Variants in FOXK2 observed in about 807,000 individuals in gnomAD.
FOXK2 encodes the protein forkhead box protein K2.
In FOXK2, 24 loss-of-function variants were observed where a neutral mutation model predicts 53.3. The ratio of observed to expected loss-of-function variants is 0.45; its 90% CI spans 0.33 to 0.63. The LOEUF is 0.63. Ranked by LOEUF, FOXK2 falls within the 30% of genes least tolerant of loss-of-function variation. FOXK2 has a pLI of 0.03. For synonymous variants in FOXK2, 505 were observed against 407.1 expected, an observed-to-expected ratio of 1.24 and a Z score of -2.89; for missense variants, 952 against 910.5, an observed-to-expected ratio of 1.05 and a Z score of -0.59.
chr17:82,528,880 A>T (rs1380601801), intron 1 of FOXK2, among the ~76,000 whole-genome samples: 2 of 152,228 alleles, frequency 1.3e-5, no homozygotes, highest in African/African-American at 2.4e-5. Context: ...TGTGAAGGGC[A>T]TTGGAGTACG....
intron 1 of FOXK2, among the ~76,000 whole-genome samples, chr17:82,533,754 G>A (rs968792500): frequency 2.0e-5 from 3 of 152,026 alleles, no homozygotes; most frequent in Admixed American, 6.6e-5. Context: ...TTGAAACGAC[G>A]TGAATTTTGT....
At chr17:82,529,863 C>G (rs559462932) in intron 1 of FOXK2, among the ~76,000 whole-genome samples, 12 of 151,952 alleles carry the variant, frequency 7.9e-5, no homozygotes, top group Admixed American at 2.0e-4. Context: ...AACATTGTTA[C>G]GTTTGTAATG....
intron 1 of FOXK2, among the ~76,000 whole-genome samples, chr17:82,533,958 C>T (rs570899035): frequency 1.5e-4 from 22 of 151,312 alleles, no homozygotes; most frequent in Non-Finnish European, 2.5e-4. Flanking sequence ...GAGATCACAC[C>T]GGTGCACTCC....
chr17:82,586,755 G>C (rs1380677262), intron 7 of FOXK2, among the ~76,000 whole-genome samples: 1 of 152,072 alleles, frequency 6.6e-6, no homozygotes, highest in Admixed American at 6.5e-5. Flanking sequence ...TACAAAATCA[G>C]CTGGGCATGG....
rs1435150048 is a variant in FOXK2, at chr17:82,604,177, C to G, written c.*2678C>G. ...GTGACCTTTGCCCAACTTCTGAGCT[C>G]CTCAGGGACTAGGAACAATTTCAGT... On this transcript the variant is annotated 3_prime_UTR_variant, in exon 9 of 9. Transcript: ENST00000335255. 6.6e-6 allele frequency: 1 copy of G among 152,254 alleles called. No homozygotes were observed. The highest frequency in any genetic ancestry group is 6.5e-5 in the Admixed American group (1 of 15,284). 9.4% of individuals were successfully genotyped at this position (152,254 alleles called of 1,614,324 possible).
At chr17:82,550,220 A>G (rs2044662858) in intron 1 of FOXK2, among the ~76,000 whole-genome samples, 1 of 152,162 alleles carries the variant, frequency 6.6e-6, no homozygotes, top group East Asian at 1.9e-4. Flanking sequence ...ACACACAAAG[A>G]GCTTCTTTAT....
intron 1 of FOXK2, among the ~76,000 whole-genome samples, chr17:82,544,074 C>G (rs567019553): frequency 5.3e-5 from 8 of 152,188 alleles, no homozygotes; most frequent in African/African-American, 1.9e-4. Context: ...CCGTGCCCAG[C>G]CAAGCTTTTT....
intron 2 of FOXK2, among the ~76,000 whole-genome samples, chr17:82,567,825 A>C (rs1258333453): frequency 6.6e-6 from 1 of 152,140 alleles, no homozygotes; most frequent in Non-Finnish European, 1.5e-5. Flanking sequence ...CGTTTATAGA[A>C]GCAAATACCC....
At position 82,520,068 on chromosome 17, in the gene FOXK2, G is replaced by A. The variant is rs1190897334; in HGVS notation, c.180G>A (p.Ser60=). 6.5e-7 allele frequency: 1 copy of A among 1,542,628 alleles called. No individual in the cohort carries two copies. The highest frequency in any genetic ancestry group is 1.2e-5 in the South Asian group (1 of 85,458). Reference sequence around the variant, plus strand: ...GCTCGGTGACCATCGGCCGCAACTCGTCGCAGGGCTCGGTGGACGTGAGCA... The same window carrying A: ...GCTCGGTGACCATCGGCCGCAACTCATCGCAGGGCTCGGTGGACGTGAGCA... The part of the protein sequence containing the change: ...KKRSVTIGRN[S]SQGSVDVSMG... Residue 60 remains serine, a synonymous_variant, in exon 1 of 9, where the codon TCG becomes TCA. Coordinates refer to ENST00000335255, the MANE Select transcript of FOXK2 (RefSeq NM_004514.4).
At chr17:82,586,662 G>A (rs187970806) in intron 7 of FOXK2, among the ~76,000 whole-genome samples, 9 of 152,156 alleles carry the variant, frequency 5.9e-5, no homozygotes, top group Admixed American at 4.6e-4. Context: ...AGCACTATGG[G>A]GGGCTGAGAC....
chr17:82,585,975 A>G lies in FOXK2; in HGVS notation c.1351A>G (p.Thr451Ala), dbSNP rs1414738092. Residue 451 changes from threonine (T) to alanine (A), a missense_variant, in exon 7 of 9, where the codon ACC becomes GCC. Coordinates refer to ENST00000335255, the MANE Select transcript of FOXK2 (RefSeq NM_004514.4). Reference protein sequence around the residue: ...RQLPQAIKPVTYTVATPVTTS... With the variant: ...RQLPQAIKPVAYTVATPVTTS... ...GCTACCACAGGCCATCAAGCCTGTCACCTACACTGTGGCCACCCCAGTGAC... is the reference window on the plus strand; with the variant it reads ...GCTACCACAGGCCATCAAGCCTGTCGCCTACACTGTGGCCACCCCAGTGAC... The G allele has an allele frequency of 4.3e-6, 7 of 1,612,726 alleles. No homozygotes were observed. Among genetic ancestry groups the G allele is most frequent in the Admixed American group, 3.3e-5 (2 of 60,000 alleles).
rs149691901 is a variant in FOXK2, at chr17:82,601,853, C to T, written c.*354C>T. On this transcript the variant is annotated 3_prime_UTR_variant, in exon 9 of 9. Coordinates refer to ENST00000335255, the MANE Select transcript of FOXK2 (RefSeq NM_004514.4). ...TCTCCCAAGACTAGGCCTCAGGACGCGGGGGGAGCCATCCCCGCCGCCCTC... is the reference window on the plus strand; with the variant it reads ...TCTCCCAAGACTAGGCCTCAGGACGTGGGGGGAGCCATCCCCGCCGCCCTC... 1,855 of 201,794 alleles carry T rather than the reference C, an allele frequency of 9.2e-3. 12 individuals carry two copies. Among genetic ancestry groups the T allele is most frequent in the South Asian group, 0.03 (216 of 7,250 alleles). The allele number at this position is 201,794 out of a possible 1,614,324, so 12.5% of individuals were successfully genotyped here.
chr17:82,558,294 C>T (rs1011335268), intron 1 of FOXK2, among the ~76,000 whole-genome samples: 1 of 152,130 alleles, frequency 6.6e-6, no homozygotes, highest in Non-Finnish European at 1.5e-5. Flanking sequence ...GCTGTGATTG[C>T]GTTGCTGCAC....
chr17:82,595,350 G>A (rs2045299313), intron 8 of FOXK2, among the ~76,000 whole-genome samples: 1 of 152,186 alleles, frequency 6.6e-6, no homozygotes, highest in Admixed American at 6.5e-5. Context: ...CACTCAGACT[G>A]GAGTGCAGTG....
intron 4 of FOXK2, chr17:82,577,510 G>T: frequency 3.9e-6 from 1 of 254,002 alleles, no homozygotes; most frequent in Non-Finnish European, 7.5e-6. Flanking sequence ...TGCCCAGTCA[G>T]GGCAGCACCT....
At chr17:82,567,037 A>G (rs894091427) in intron 2 of FOXK2, among the ~76,000 whole-genome samples, 1 of 152,196 alleles carries the variant, frequency 6.6e-6, no homozygotes, top group Non-Finnish European at 1.5e-5. Context: ...CCAGTGGTGC[A>G]TATTCATGGC....
At position 82,560,893 on chromosome 17, in the gene FOXK2, G is replaced by A. The variant is rs565370986; in HGVS notation, c.420-2461G>A. On this transcript the variant is annotated intron_variant, in intron 1 of 8. Transcript: ENST00000335255. The stretch of plus-strand genomic sequence containing the variant: ...GAGGATCGCTTGAGCCTGTGAGTTC[G>A]AGGCTGCAGTGGGTCAGTGATCGTG... Among the ~76,000 whole-genome samples, 17 of 152,218 alleles carry A rather than the reference G, an allele frequency of 1.1e-4. No homozygotes were observed. In the East Asian group the frequency reaches 3.1e-3, roughly 28 times the overall value.
At chr17:82,535,958 T>A (rs1370538170) in intron 1 of FOXK2, among the ~76,000 whole-genome samples, 1 of 152,012 alleles carries the variant, frequency 6.6e-6, no homozygotes, top group Non-Finnish European at 1.5e-5. Flanking sequence ...GTCAGGCGGG[T>A]CTGGAACTCC....
At chr17:82,521,394 G>T (rs1172811496) in intron 1 of FOXK2, among the ~76,000 whole-genome samples, 1 of 149,042 alleles carries the variant, frequency 6.7e-6, no homozygotes, top group Non-Finnish European at 1.5e-5. Context: ...GGCTGGTATT[G>T]AACTCCTGAC....
Sources: allele counts gnomAD v4.1 joint callset (sites outside exome capture counted in the v4.1 genomes callset), GRCh38; gene constraint gnomAD v4.1.1; transcripts MANE v1.5; gene names NCBI Gene and HGNC (gene_info 2026-07-23, HGNC 2026-07-21).